Variants in SLC25A33 observed in about 807,000 individuals in gnomAD.
SLC25A33 encodes bone marrow stromal cell mitochondrial carrier protein.
SLC25A33 carries 15 observed loss-of-function variants against 35.5 expected under a neutral mutation model. The observed-to-expected ratio is 0.42, with a 90% CI of 0.28 to 0.65. The LOEUF (loss-of-function observed/expected upper bound fraction) is 0.65, where lower values mean the gene tolerates loss of function less well. SLC25A33 is among the 30% of genes least tolerant of loss of function. SLC25A33 has a pLI of 0.20. For synonymous variants in SLC25A33, 136 were observed against 148.7 expected (o/e 0.91, Z 0.62); for missense variants, 257 against 398.5 (o/e 0.64, Z 3.02).
At chr1:9,545,189 T>A (rs1643149341) in intron 1 of SLC25A33, among the ~76,000 whole-genome samples, 1 of 151,726 alleles carries the variant, frequency 6.6e-6, no homozygotes, top group Non-Finnish European at 1.5e-5. Flanking sequence ...GGAGGGGAGT[T>A]TTTTTGTTTT....
In SLC25A33 at chr1:9,539,765, G is replaced by A. The variant is rs904175795; in HGVS notation, c.56+18G>A. ...GCCGGCGGGTGAGTTCCCGGGCCCA[G>A]CCGCGCGCGCCCCACCGCCTGCGGT... On this transcript the variant is annotated intron_variant, in intron 1 of 6. Coordinates refer to ENST00000302692, the MANE Select transcript of SLC25A33 (RefSeq NM_032315.3). The A allele has an allele frequency of 7.3e-6, 10 of 1,360,824 alleles. No individual in the cohort carries two copies. In the African/African-American group the frequency reaches 1.4e-4, roughly 19 times the overall value. The allele number at this position is 1,360,824 out of a possible 1,614,324, so 84.3% of individuals were successfully genotyped here.
At position 9,577,823 on chromosome 1, in the gene SLC25A33, C is replaced by T. The variant is rs372076201; in HGVS notation, c.483-2131C>T. On this transcript the variant is annotated intron_variant, in intron 5 of 6. Coordinates refer to ENST00000302692, the MANE Select transcript of SLC25A33 (RefSeq NM_032315.3). Reference sequence around the variant, plus strand: ...TTTGGTGCCTAGTGTGAATAGAGGCCGGGATGCTGCTAAACCCTACAAGGC... The same window carrying T: ...TTTGGTGCCTAGTGTGAATAGAGGCTGGGATGCTGCTAAACCCTACAAGGC... Among the ~76,000 whole-genome samples the T allele has an allele frequency of 1.2e-4, 18 of 152,226 alleles. No individual in the cohort carries two copies. The South Asian group carries it at 3.1e-3, about 26-fold the overall frequency.
chr1:9,542,643 C>T (rs947720406), intron 1 of SLC25A33, among the ~76,000 whole-genome samples: 6 of 152,064 alleles, frequency 3.9e-5, no homozygotes, highest in African/African-American at 1.2e-4. Context: ...GTTAAGCTGG[C>T]GTCTTTCCAG....
chr1:9,573,484 C>T, intron 5 of SLC25A33, 72 bp downstream of exon 5: 1 of 1,245,070 alleles, frequency 8.0e-7, no homozygotes, highest in South Asian at 1.2e-5. Flanking sequence ...AATTCCTCCA[C>T]ATCTCTAAGG....
chr1:9,575,255 G>C (rs1643646817), intron 5 of SLC25A33, among the ~76,000 whole-genome samples: 1 of 149,256 alleles, frequency 6.7e-6, no homozygotes, highest in Non-Finnish European at 1.5e-5. Context: ...CTGTATTACT[G>C]TGTTGCCTGG....
Position 9,575,442 on chromosome 1 carries a change from C to G in SLC25A33, c.482+2030C>G, listed in dbSNP as rs1484267900. On this transcript the variant is annotated intron_variant, in intron 5 of 6. Transcript: ENST00000302692. ...CCAGCCTGGCCAACATGGTGAAACC[C>G]CGTCTCTACTAAAAATACAAAAATT... Among the ~76,000 whole-genome samples, 5 of 151,442 alleles carry G rather than the reference C, an allele frequency of 3.3e-5. No homozygotes were observed. The East Asian group carries it at 7.9e-4, about 24-fold the overall frequency.
Position 9,579,856 on chromosome 1 carries a change from A to G in SLC25A33, c.483-98A>G, listed in dbSNP as rs1413697998. On this transcript the variant is annotated intron_variant, in intron 5 of 6. Transcript: ENST00000302692. ...GGAGCCAGGAAACAAGTATCCTAAC[A>G]CCATAAGGAAGACCCGTACCTGTTC... is the stretch of plus-strand genomic sequence containing the variant. The G allele has an allele frequency of 6.6e-6, 9 of 1,364,048 alleles. No individual in the cohort carries two copies. In the East Asian group the frequency reaches 1.4e-4, roughly 21 times the overall value. The allele number at this position is 1,364,048 out of a possible 1,614,324, so 84.5% of individuals were successfully genotyped here.
intron 1 of SLC25A33, among the ~76,000 whole-genome samples, chr1:9,546,818 A>T (rs1260727088): frequency 6.6e-6 from 1 of 152,124 alleles, no homozygotes; most frequent in African/African-American, 2.4e-5. Context: ...TGAGCAGTGC[A>T]TCAGTGTCAC....
At chr1:9,553,230 G>GTTTTTTTTTTT (rs1340250968) in intron 1 of SLC25A33, among the ~76,000 whole-genome samples, 10 of 91,208 alleles carry the variant, frequency 1.1e-4, no homozygotes, top group Middle Eastern at 9.4e-3. Flanking sequence ...TTTTTTTTGG[G>GTTTTTTTTTTT]TTTTTTTTTT....
chr1:9,565,160 T>C (rs1643483579), intron 2 of SLC25A33, among the ~76,000 whole-genome samples: 1 of 152,024 alleles, frequency 6.6e-6, no homozygotes. Context: ...GATGAAAAGG[T>C]TCTGGAGGTA....
At position 9,553,707 on chromosome 1, in the gene SLC25A33, C is replaced by T. The variant is rs116301499; in HGVS notation, c.138C>T (p.Leu46=). The change falls in exon 2 of 7, where the codon CTC becomes CTT. Residue 46 remains leucine (L), a synonymous_variant. Transcript: ENST00000302692. ...GGTTGCAGTCTTCAAGATTAGCTCT[C>T]CGGACAGTCTACTATCCTCAGGTTC... ...KTRLQSSRLA[L]RTVYYPQVHL... 3.9e-4 allele frequency: 631 copies of T among 1,614,142 alleles called. 2 individuals carry two copies. The African/African-American group carries it at 7.6e-3, about 19-fold the overall frequency.
chr1:9,574,014 T>C (rs1643627342), intron 5 of SLC25A33, among the ~76,000 whole-genome samples: 1 of 152,074 alleles, frequency 6.6e-6, no homozygotes. Context: ...TGTTTTGAGA[T>C]AGGGTCTTAC....
chr1:9,580,863 AAAAATAAT>A (rs1450121915), intron 6 of SLC25A33, among the ~76,000 whole-genome samples: 1 of 121,158 alleles, frequency 8.3e-6, no homozygotes, highest in African/African-American at 3.3e-5. Context: ...TCAAAAAAAA[AAAAATAAT>A]AATAATAATA....
intron 5 of SLC25A33, among the ~76,000 whole-genome samples, chr1:9,574,883 C>T (rs565562902): frequency 6.6e-6 from 1 of 152,230 alleles, no homozygotes; most frequent in South Asian, 2.1e-4. Context: ...TGCATTTTCT[C>T]CCCAGTCCAA....
intron 3 of SLC25A33, among the ~76,000 whole-genome samples, chr1:9,568,792 A>C (rs910175414): frequency 3.3e-5 from 5 of 151,984 alleles, no homozygotes; most frequent in African/African-American, 1.2e-4. Context: ...CGGAGCTTGC[A>C]GTGAGCTGAG....
At chr1:9,550,013 T>TATA (rs1237314230) in intron 1 of SLC25A33, among the ~76,000 whole-genome samples, 70 of 28,666 alleles carry the variant, frequency 2.4e-3, no homozygotes, top group South Asian at 0.018. Context: ...ATATATATAT[T>TATA]TTTTTTTTTT....
chr1:9,581,440 C>CT (rs1463700828), intron 6 of SLC25A33, among the ~76,000 whole-genome samples: 6 of 152,214 alleles, frequency 3.9e-5, no homozygotes, highest in African/African-American at 1.4e-4. Flanking sequence ...TGAAACTAAG[C>CT]TTTTTTTAAC....
chr1:9,559,086 G>A (rs1400712234), intron 2 of SLC25A33, among the ~76,000 whole-genome samples: 7 of 152,232 alleles, frequency 4.6e-5, no homozygotes, highest in African/African-American at 7.2e-5. Context: ...CACGGCTGAC[G>A]TCCGCTGTCA....
In SLC25A33 at chr1:9,582,870, T is replaced by C. The variant is rs532851175; in HGVS notation, c.*369T>C. 1.4e-4 allele frequency: 27 copies of C among 195,112 alleles called. No individual in the cohort carries two copies. In the East Asian group the frequency reaches 3.8e-3, roughly 28 times the overall value. 12.1% of individuals were successfully genotyped at this position (195,112 alleles called of 1,614,324 possible). A position where few individuals can be genotyped will look rare whatever the true frequency, so the allele number is the denominator to read the frequency against. ...AGAACTGCAGAGAAAAATGATAAAG[T>C]GAGAATACAACTTGTTTTATAATCT... is the stretch of plus-strand genomic sequence containing the variant. On this transcript the variant is annotated 3_prime_UTR_variant, in exon 7 of 7. Coordinates refer to ENST00000302692, the MANE Select transcript of SLC25A33 (RefSeq NM_032315.3). The surrounding 1 kb of genome is among the most constrained non-coding windows in gnomAD (Gnocchi z 4.0).
Sources: allele counts gnomAD v4.1 joint callset (sites outside exome capture counted in the v4.1 genomes callset), GRCh38; gene constraint gnomAD v4.1.1; non-coding constraint Gnocchi (gnomAD v3.1); transcripts MANE v1.5; gene names NCBI Gene and HGNC (gene_info 2026-07-23, HGNC 2026-07-21).